Variants in OPCML observed in about 807,000 individuals in gnomAD.
The protein encoded by OPCML is opioid-binding protein/cell adhesion molecule.
A neutral mutation model predicts 37.8 loss-of-function variants in OPCML; 13 were observed. The ratio of observed to expected loss-of-function variants is 0.34; its 90% CI spans 0.22 to 0.55. OPCML has a LOEUF of 0.55. Among genes scored for constraint, OPCML ranks in the 20% least tolerant of loss-of-function variants. The probability of loss-of-function intolerance (pLI) is 0.91; values close to 1 mark genes in which losing one functional copy is unlikely to be tolerated. For synonymous variants in OPCML, 176 were observed against 168.8 expected (o/e 1.04, Z -0.33); for missense variants, 341 against 435.6 (o/e 0.78, Z 1.93).
rs114491498 is a variant in OPCML at position 132,701,980 on chromosome 11, T to C, written c.147-44661A>G. Reference sequence around the variant, plus strand: ...ACTTTAACTTCTTCCCTACATTTTGTGTTGATATCACAATTTACGTATTTT... The same window carrying C: ...ACTTTAACTTCTTCCCTACATTTTGCGTTGATATCACAATTTACGTATTTT... On this transcript the variant is annotated intron_variant, in intron 2 of 7. Coordinates refer to ENST00000524381, the MANE Select transcript of OPCML (RefSeq NM_001012393.5). Among the ~76,000 whole-genome samples, 931 of 152,316 alleles carry C rather than the reference T, an allele frequency of 6.1e-3. 11 individuals are homozygous for C. Among genetic ancestry groups the C allele is most frequent in the African/African-American group, 0.021 (893 of 41,582 alleles).
intron 2 of OPCML, among the ~76,000 whole-genome samples, chr11:132,891,407 T>C (rs567574659): frequency 1.6e-4 from 25 of 152,318 alleles, no homozygotes; most frequent in Middle Eastern, 3.4e-3. Flanking sequence ...TTTCTTAAAA[T>C]ACTTACCAAT....
intron 1 of OPCML, among the ~76,000 whole-genome samples, chr11:133,273,413 C>A (rs1046707936): frequency 2.6e-5 from 4 of 152,228 alleles, no homozygotes; most frequent in South Asian, 2.1e-4. Context: ...CCAAGTCCTG[C>A]GGCATCCTGA....
chr11:132,518,400 C>T (rs1320328393), intron 4 of OPCML, among the ~76,000 whole-genome samples: 1 of 152,138 alleles, frequency 6.6e-6, no homozygotes, highest in African/African-American at 2.4e-5. Context: ...TGCAAAGGAC[C>T]TAACTCTTTA....
intron 1 of OPCML, chr11:133,421,266 C>T (rs952727125): frequency 1.5e-5 from 15 of 985,214 alleles, no homozygotes; most frequent in South Asian, 9.4e-5. Context: ...CATTGCCAAA[C>T]GTGAGTGGAA....
intron 1 of OPCML, among the ~76,000 whole-genome samples, chr11:133,087,513 A>T (rs1156301065): frequency 1.3e-5 from 2 of 152,186 alleles, no homozygotes; most frequent in Admixed American, 1.3e-4. Context: ...ATGAATAAGC[A>T]TTTTGAATGA....
intron 1 of OPCML, among the ~76,000 whole-genome samples, chr11:133,241,419 G>A (rs1314732680): frequency 6.6e-6 from 1 of 152,208 alleles, no homozygotes; most frequent in Non-Finnish European, 1.5e-5. Context: ...CCAAAGCTAA[G>A]CACTAAGTTT....
Position 132,974,233 on chromosome 11 carries a change from C to G in OPCML, c.62-31223G>C, listed in dbSNP as rs116117842. Among the ~76,000 whole-genome samples the G allele has an allele frequency of 9.1e-4, 138 of 152,300 alleles. 1 individual carries two copies. The highest frequency in any genetic ancestry group is 3.2e-3 in the African/African-American group (134 of 41,558). On this transcript the variant is annotated intron_variant, in intron 1 of 7. Transcript: ENST00000524381. ...ACTAAATTAACTTTTTAACTTGGTC[C>G]TTCATCTTCCAGCTACCTCTCTATT...
At chr11:132,611,014 A>T (rs908410302) in intron 3 of OPCML, among the ~76,000 whole-genome samples, 2 of 152,114 alleles carry the variant, frequency 1.3e-5, no homozygotes, top group African/African-American at 4.8e-5. Context: ...GATTTACTTT[A>T]GTTCCAGCTG....
chr11:133,519,742 A>G (rs187934646), intron 1 of OPCML, among the ~76,000 whole-genome samples: 1 of 152,304 alleles, frequency 6.6e-6, no homozygotes, highest in East Asian at 1.9e-4. Context: ...ATACTGACTG[A>G]GTAAAAGTGT....
intron 2 of OPCML, among the ~76,000 whole-genome samples, chr11:132,844,438 G>A (rs114446465): frequency 1.2e-4 from 19 of 152,272 alleles, no homozygotes; most frequent in Non-Finnish European, 2.4e-4. Flanking sequence ...GGTGCATGGT[G>A]GGGGGAGGTA....
intron 4 of OPCML, 90 bp from the exon 5 acceptor site, chr11:132,437,449 A>T (rs1174391623): frequency 1.9e-6 from 3 of 1,544,114 alleles, no homozygotes; most frequent in Non-Finnish European, 2.6e-6. Flanking sequence ...TAGGAGGAGG[A>T]AGAGAAAAAG....
chr11:133,023,319 C>A (rs138434973), intron 1 of OPCML, among the ~76,000 whole-genome samples: 1 of 152,356 alleles, frequency 6.6e-6, no homozygotes, highest in East Asian at 1.9e-4. Flanking sequence ...GCTAGACAAC[C>A]GCTGCGTTTT....
intron 2 of OPCML, among the ~76,000 whole-genome samples, chr11:132,762,260 A>C (rs748413221): frequency 1.9e-4 from 29 of 152,136 alleles, no homozygotes; most frequent in Non-Finnish European, 4.0e-4. Flanking sequence ...CCCTGCTGGG[A>C]GTTGTCTCCC....
At chr11:132,571,633 T>TCATACAC (rs2096438734) in intron 3 of OPCML, among the ~76,000 whole-genome samples, 1 of 152,206 alleles carries the variant, frequency 6.6e-6, no homozygotes, top group Non-Finnish European at 1.5e-5. Flanking sequence ...TACTATTCTA[T>TCATACAC]CATACACATA....
At chr11:132,671,506 G>C (rs1248461360) in intron 2 of OPCML, among the ~76,000 whole-genome samples, 1 of 152,144 alleles carries the variant, frequency 6.6e-6, no homozygotes. Context: ...GGGAGGAAGA[G>C]GGTATTCTTA....
chr11:132,420,369 C>T (rs919660426), intron 7 of OPCML, 76 bp from the exon 8 acceptor site: 4 of 1,563,818 alleles, frequency 2.6e-6, no homozygotes, highest in Admixed American at 3.8e-5. Flanking sequence ...CAAGCAAATA[C>T]ACATACATGC....
At chr11:132,880,618 A>C (rs1943191418) in intron 2 of OPCML, among the ~76,000 whole-genome samples, 1 of 152,250 alleles carries the variant, frequency 6.6e-6, no homozygotes, top group South Asian at 2.1e-4. Flanking sequence ...TTACAAAAAA[A>C]CTCAATTAAA....
chr11:132,816,037 T>C (rs1291233233), intron 2 of OPCML, among the ~76,000 whole-genome samples: 1 of 152,208 alleles, frequency 6.6e-6, no homozygotes, highest in Non-Finnish European at 1.5e-5. Context: ...CTGGTGGGAC[T>C]GTGAAAAGTG....
In OPCML at chr11:133,027,486, T is replaced by C. The variant is rs553468616; in HGVS notation, c.62-84476A>G. 3.2e-3 allele frequency among the ~76,000 whole-genome samples: 462 copies of C among 145,754 alleles called. 1 individual carries two copies. Among genetic ancestry groups the C allele is most frequent in the African/African-American group, 0.011 (440 of 38,766 alleles). On this transcript the variant is annotated intron_variant, in intron 1 of 7. Transcript: ENST00000524381. Reference sequence around the variant, plus strand: ...GGTCTATGTAGTGTGTGTGTGTGTGTGTGTTGTGTGTGTGTGTGTGTAGTG... The same window carrying C: ...GGTCTATGTAGTGTGTGTGTGTGTGCGTGTTGTGTGTGTGTGTGTGTAGTG...
Sources: gnomAD v4.1 joint callset for allele counts (sites outside exome capture counted in the v4.1 genomes callset) on GRCh38, gnomAD v4.1.1 for gene constraint, MANE v1.5 for transcripts, NCBI Gene and HGNC (gene_info 2026-07-23, HGNC 2026-07-21) for gene names.